Variants in CHL1 observed in about 807,000 individuals in gnomAD.
CHL1 encodes the protein cell adhesion molecule L1 like, also known as neural cell adhesion molecule L1-like protein.
A neutral mutation model predicts 141.9 loss-of-function variants in CHL1; 96 were observed. That is an observed-to-expected ratio of 0.68 (90% CI 0.57 to 0.80). The LOEUF (loss-of-function observed/expected upper bound fraction) is 0.80, where lower values mean the gene tolerates loss of function less well. Ranked by LOEUF, CHL1 falls within the 30% of genes least tolerant of loss-of-function variation. CHL1 has a pLI of 0.00. For missense variants in CHL1, 1,820 were observed against 1,457.2 expected (o/e 1.25, Z -4.05); for synonymous variants, 613 against 502.2 (o/e 1.22, Z -2.95).
At chr3:304,799 C>T (rs189908605) in intron 2 of CHL1, among the ~76,000 whole-genome samples, 1 of 143,774 alleles carries the variant, frequency 7.0e-6, no homozygotes, top group Non-Finnish European at 1.5e-5. Flanking sequence ...AATTTGTTTG[C>T]TGTTTCTTCT....
intron 1 of CHL1, among the ~76,000 whole-genome samples, chr3:214,241 G>T (rs1024036996): frequency 6.6e-6 from 1 of 152,130 alleles, no homozygotes; most frequent in African/African-American, 2.4e-5. Flanking sequence ...TCTTCTCTAC[G>T]TTTCAGAGTA....
At chr3:320,491 A>T (rs1207513523) in intron 3 of CHL1, among the ~76,000 whole-genome samples, 1 of 151,974 alleles carries the variant, frequency 6.6e-6, no homozygotes, top group Non-Finnish European at 1.5e-5. Context: ...ATTATAAATC[A>T]GTTTGAACGA....
intron 9 of CHL1, among the ~76,000 whole-genome samples, chr3:349,126 C>T (rs989938799): frequency 6.6e-6 from 1 of 152,172 alleles, no homozygotes; most frequent in African/African-American, 2.4e-5. Flanking sequence ...AGAGAGAAGA[C>T]TTCCAAGGAG....
chr3:270,365 T>G (rs569791217), intron 2 of CHL1, among the ~76,000 whole-genome samples: 1 of 152,168 alleles, frequency 6.6e-6, no homozygotes, highest in Non-Finnish European at 1.5e-5. Flanking sequence ...TTTTCCTGAA[T>G]TTAAACCCTG....
intron 2 of CHL1, among the ~76,000 whole-genome samples, chr3:250,035 T>C (rs577621046): frequency 3.3e-5 from 5 of 152,150 alleles, no homozygotes; most frequent in Admixed American, 3.3e-4. Context: ...GGTGCAATCA[T>C]AGCTCATTGC....
At chr3:380,644 G>A (rs1706917633) in intron 16 of CHL1, among the ~76,000 whole-genome samples, 1 of 152,092 alleles carries the variant, frequency 6.6e-6, no homozygotes, top group African/African-American at 2.4e-5. Flanking sequence ...GATATAAACT[G>A]CCTTCCTACT....
At chr3:220,435 A>C (rs947358134) in intron 1 of CHL1, among the ~76,000 whole-genome samples, 1 of 152,036 alleles carries the variant, frequency 6.6e-6, no homozygotes, top group Non-Finnish European at 1.5e-5. Context: ...CCTTTTGACT[A>C]CCCTGGGCCA....
At chr3:265,123 A>G (rs527852869) in intron 2 of CHL1, among the ~76,000 whole-genome samples, 1 of 152,288 alleles carries the variant, frequency 6.6e-6, no homozygotes, top group African/African-American at 2.4e-5. Flanking sequence ...TCTTATTTTC[A>G]TAGGATATGT....
chr3:214,872 T>C (rs1459775848), intron 1 of CHL1, among the ~76,000 whole-genome samples: 2 of 152,150 alleles, frequency 1.3e-5, no homozygotes, highest in Non-Finnish European at 2.9e-5. Flanking sequence ...AAAGATTAAT[T>C]ATGTATGCCT....
At chr3:388,314 G>A (rs573666706) in intron 19 of CHL1, among the ~76,000 whole-genome samples, 2 of 152,218 alleles carry the variant, frequency 1.3e-5, no homozygotes, top group African/African-American at 2.4e-5. Flanking sequence ...CTGGGAGGCC[G>A]AGGCAGGCGG....
intron 2 of CHL1, among the ~76,000 whole-genome samples, chr3:289,895 T>C (rs535769873): frequency 1.6e-4 from 24 of 151,554 alleles, no homozygotes; most frequent in Non-Finnish European, 3.1e-4. Flanking sequence ...ATCATTTTTG[T>C]TATGGTAGCA....
chr3:229,118 C>T (rs1574781079), intron 1 of CHL1, among the ~76,000 whole-genome samples: 1 of 152,054 alleles, frequency 6.6e-6, no homozygotes, highest in Non-Finnish European at 1.5e-5. Flanking sequence ...TGCATTAGCC[C>T]CATGTGTTGT....
chr3:234,402 G>C (rs188430402), intron 1 of CHL1, among the ~76,000 whole-genome samples: 30 of 152,176 alleles, frequency 2.0e-4, no homozygotes, highest in African/African-American at 6.5e-4. Context: ...GAAACTACTT[G>C]AAAATTATTT....
chr3:375,467 A>G (rs558898403), intron 15 of CHL1, among the ~76,000 whole-genome samples: 107 of 151,938 alleles, frequency 7.0e-4, no homozygotes, highest in Non-Finnish European at 1.3e-3. Flanking sequence ...TAATGAGGGA[A>G]GGGGAGAAGT....
At chr3:212,846 C>T (rs1392661337) in intron 1 of CHL1, among the ~76,000 whole-genome samples, 2 of 152,216 alleles carry the variant, frequency 1.3e-5, no homozygotes, top group Non-Finnish European at 2.9e-5. Context: ...GTCTCCAATT[C>T]TCTGAGAAGA....
intron 1 of CHL1, among the ~76,000 whole-genome samples, chr3:228,283 A>G (rs1193687217): frequency 6.6e-6 from 1 of 152,190 alleles, no homozygotes; most frequent in Non-Finnish European, 1.5e-5. Flanking sequence ...GTGCTTTTCG[A>G]CAGGATTACA....
intron 27 of CHL1, 107 bp from the exon 28 acceptor site, chr3:405,388 C>T (rs1311558775): frequency 1.3e-6 from 1 of 745,042 alleles, no homozygotes; most frequent in East Asian, 2.7e-5. Flanking sequence ...AATGCTAACA[C>T]AAATGTCCTG....
intron 1 of CHL1, among the ~76,000 whole-genome samples, chr3:234,429 C>A (rs1458604192): frequency 6.6e-6 from 1 of 152,026 alleles, no homozygotes; most frequent in African/African-American, 2.4e-5. Flanking sequence ...TCCCAAGGTT[C>A]ACTGCAGCAT....
intron 11 of CHL1, among the ~76,000 whole-genome samples, chr3:357,945 A>C (rs1703864276): frequency 6.6e-6 from 1 of 152,204 alleles, no homozygotes; most frequent in South Asian, 2.1e-4. Context: ...TTAGAGACTC[A>C]GTGCTTTGCA....
Sources: allele counts gnomAD v4.1 joint callset (sites outside exome capture counted in the v4.1 genomes callset), GRCh38; gene constraint gnomAD v4.1.1; transcripts MANE v1.5; gene names NCBI Gene and HGNC (gene_info 2026-07-23, HGNC 2026-07-21).